Variants in BRCA2 observed in about 807,000 individuals in gnomAD.
The protein encoded by BRCA2 is breast cancer type 2 susceptibility protein.
BRCA2 carries 203 observed loss-of-function variants against 276.7 expected under a neutral mutation model. That is an observed-to-expected ratio of 0.73 (90% confidence interval 0.65 to 0.82). The LOEUF is 0.82. Ranked by LOEUF, BRCA2 falls within the 40% of genes least tolerant of loss-of-function variation. The pLI is 0.00. For missense variants in BRCA2, 3,920 were observed against 3,915.0 expected (o/e 1.00, Z -0.03); for synonymous variants, 1,289 against 1,338.4 (o/e 0.96, Z 0.81).
intron 9 of BRCA2, 133 bp from the exon 10 acceptor site, chr13:32,332,139 A>G: frequency 1.1e-6 from 1 of 898,240 alleles, no homozygotes. Context: ...AGTACTCAGA[A>G]TAACCCTTTA....
chr13:32,370,432 T>G lies in BRCA2; in HGVS notation c.8362T>G (p.Trp2788Gly), dbSNP rs80359079. ...TGCTAACAGTACTCGGCCTGCTCGC[T>G]GGTATACCAAACTTGGATTCTTTCC... ...ISANSTRPAR[W>G]YTKLGFFPDP... Residue 2788 changes from tryptophan to glycine, a missense_variant, in exon 19 of 27, where the codon TGG (tryptophan) becomes GGG (glycine). Physicochemically the swap from Trp to Gly is radical, Grantham distance 184. Coordinates refer to ENST00000380152, the MANE Select transcript of BRCA2 (RefSeq NM_000059.4). The G allele has an allele frequency of 6.2e-7, 1 of 1,614,012 alleles. No homozygotes were observed. The highest frequency in any genetic ancestry group is 1.7e-5 in the Admixed American group (1 of 60,018).
At chr13:32,388,790 T>A (rs2072978916) in intron 24 of BRCA2, among the ~76,000 whole-genome samples, 1 of 152,182 alleles carries the variant, frequency 6.6e-6, no homozygotes, top group Non-Finnish European at 1.5e-5. Flanking sequence ...TCTACCTTTG[T>A]CGAATTTAAA....
At chr13:32,328,402 T>A (rs777770204) in intron 7 of BRCA2, among the ~76,000 whole-genome samples, 4 of 152,036 alleles carry the variant, frequency 2.6e-5, no homozygotes, top group Non-Finnish European at 4.4e-5. Flanking sequence ...CCACCACGCC[T>A]GACTAATTTT....
intron 11 of BRCA2, among the ~76,000 whole-genome samples, chr13:32,342,438 T>G (rs931387865): frequency 6.6e-6 from 1 of 152,242 alleles, no homozygotes; most frequent in Non-Finnish European, 1.5e-5. Context: ...TTATGTGGAC[T>G]ATTTTAACTT....
rs144549870 is a variant in BRCA2 at position 32,333,478 on chromosome 13, ATATCT to A, written c.1909+95_1909+99del. The A allele has an allele frequency of 2.7e-3, 3,681 of 1,354,098 alleles. 67 individuals are homozygous for A. The African/African-American group carries it at 0.046, about 17-fold the overall frequency. 83.9% of individuals were successfully genotyped at this position (1,354,098 alleles called of 1,614,324 possible). A position where few individuals can be genotyped will look rare whatever the true frequency, so the allele number is the denominator to read the frequency against. On this transcript the variant is annotated intron_variant, in intron 10 of 26. Coordinates refer to ENST00000380152, the MANE Select transcript of BRCA2 (RefSeq NM_000059.4). ...TTTTTTTCTGCTTTTTAAAATCTTC[ATATCT>A]TATATTTAATCTTAGGCATCATCTG...
chr13:32,373,853 G>A (rs748939062), intron 20 of BRCA2, among the ~76,000 whole-genome samples: 1 of 152,188 alleles, frequency 6.6e-6, no homozygotes, highest in East Asian at 1.9e-4. Context: ...TTTCCCTCCC[G>A]GTTTCCCTCC....
chr13:32,399,011 A>C lies in BRCA2; in HGVS notation c.*241A>C. 1 of 469,456 alleles carries C rather than the reference A, an allele frequency of 2.1e-6. No homozygotes were observed. The allele number at this position is 469,456 out of a possible 1,614,324, so 29.1% of individuals were successfully genotyped here. A position where few individuals can be genotyped will look rare whatever the true frequency, so the allele number is the denominator to read the frequency against. On this transcript the variant is annotated 3_prime_UTR_variant, in exon 27 of 27. Coordinates refer to ENST00000380152, the MANE Select transcript of BRCA2 (RefSeq NM_000059.4). ...GTAATTTATTAACTAATCAAGAAAA[A>C]CATCTTTGGCTGAGCTCGGTGGCTC...
rs11571796 is a variant in BRCA2 at position 32,388,406 on chromosome 13, A to G, written c.9257-6283A>G. Among the ~76,000 whole-genome samples, 1,011 of 152,318 alleles carry G rather than the reference A, an allele frequency of 6.6e-3. 10 individuals are homozygous for G. The highest frequency in any genetic ancestry group is 0.023 in the African/African-American group (969 of 41,562). ...AGTGCTGGGATTATAGGCTTGAGCC[A>G]CTATGCCCAGCGTGTCTTAGGATTT... On this transcript the variant is annotated intron_variant, in intron 24 of 26. Coordinates refer to ENST00000380152, the MANE Select transcript of BRCA2 (RefSeq NM_000059.4).
intron 24 of BRCA2, chr13:32,384,877 G>A: frequency 3.4e-6 from 1 of 297,358 alleles, no homozygotes; most frequent in Non-Finnish European, 7.0e-6. Context: ...ATGAGGAAGT[G>A]CTGGAGAACT....
chr13:32,359,126 G>A (rs994127515), intron 16 of BRCA2, among the ~76,000 whole-genome samples: 3 of 150,356 alleles, frequency 2.0e-5, no homozygotes, highest in African/African-American at 4.9e-5. Context: ...GGAGGCCGAG[G>A]CAGGAAAATC....
chr13:32,400,078 G>C lies in BRCA2; in HGVS notation c.*1308G>C, dbSNP rs2073072114. 6.6e-6 allele frequency: 1 copy of C among 152,160 alleles called. No homozygotes were observed. Among genetic ancestry groups the C allele is most frequent in the African/African-American group, 2.4e-5 (1 of 41,432 alleles). The allele number at this position is 152,160 out of a possible 1,614,324, so 9.4% of individuals were successfully genotyped here. The stretch of plus-strand genomic sequence containing the variant: ...TGGGATTATAGGCGTGAGCCACTGT[G>C]CCCGGCCAATATTTGTTACTTTCTT... On this transcript the variant is annotated 3_prime_UTR_variant, in exon 27 of 27. Transcript: ENST00000380152.
chr13:32,341,023 T>C lies in BRCA2; in HGVS notation c.6668T>C (p.Phe2223Ser), dbSNP rs2137529615. The C allele has an allele frequency of 6.2e-7, 1 of 1,613,570 alleles. No homozygotes were observed. The highest frequency in any genetic ancestry group is 8.5e-7 in the Non-Finnish European group (1 of 1,179,862). ...STYSKDSENY[F>S]ETEAVEIAKA... is the part of the protein sequence containing the mutation. ...TACTCCAAAGATTCAGAAAACTACT[T>C]TGAAACAGAAGCAGTAGAAATTGCT... The change falls in exon 11 of 27, where the codon TTT (phenylalanine) becomes TCT (serine). Residue 2223 changes from phenylalanine (F) to serine (S), a missense_variant. Transcript: ENST00000380152.
Position 32,369,919 on chromosome 13 carries a change from G to T in BRCA2, c.8332-483G>T, listed in dbSNP as rs9634672. 0.22 allele frequency among the ~76,000 whole-genome samples: 33,007 copies of T among 152,134 alleles called. 3,698 individuals carry two copies. The highest frequency in any genetic ancestry group is 0.39 in the East Asian group (2,039 of 5,180). On this transcript the variant is annotated intron_variant, in intron 18 of 26. Coordinates refer to ENST00000380152, the MANE Select transcript of BRCA2 (RefSeq NM_000059.4). ...CATAAAGCGCTTAACACCATGCCAG[G>T]TACCTTAGTAAGTGTTCGATGAATA...
intron 15 of BRCA2, among the ~76,000 whole-genome samples, chr13:32,356,854 T>G (rs1273536394): frequency 1.3e-5 from 2 of 152,224 alleles, no homozygotes; most frequent in Non-Finnish European, 2.9e-5. Context: ...CAAATCTTTC[T>G]TATTTTGTCA....
rs398122557 is a variant in BRCA2 at position 32,340,798 on chromosome 13, CT to C, written c.6444del (p.Ile2149LeufsTer19). 1.3e-6 allele frequency: 2 copies of C among 1,592,700 alleles called. No individual in the cohort carries two copies. The highest frequency in any genetic ancestry group is 1.7e-6 in the Non-Finnish European group (2 of 1,173,336). On this transcript the variant is annotated frameshift_variant, in exon 11 of 27. Transcript: ENST00000380152. LOFTEE classifies it high-confidence loss of function. ...GGTGGTTCTTCAGAAAATAATCACT[CT>C]ATTAAAGTTTCTCCATATCTCTCTC... ...VEGGSSENNH[S>X]IKVSPYLSQF... is the part of the protein sequence containing the mutation.
chr13:32,376,844 A>C lies in BRCA2; in HGVS notation c.8754+53A>C. The C allele has an allele frequency of 1.9e-6, 3 of 1,604,942 alleles. No homozygotes were observed. In the East Asian group the frequency reaches 6.7e-5, roughly 36 times the overall value. On this transcript the variant is annotated intron_variant, in intron 21 of 26. Transcript: ENST00000380152. The stretch of plus-strand genomic sequence containing the variant: ...GGCTTGATGATTATTCAAGGTGAGA[A>C]GCTGTTTTAGACTCTCTGGCCATCA...
Position 32,339,571 on chromosome 13 carries a change from ATTTAAG to A in BRCA2, c.5218_5223del (p.Leu1740_Ser1741del), listed in dbSNP as rs397507775. 6.2e-6 allele frequency: 10 copies of A among 1,609,336 alleles called. No individual in the cohort carries two copies. The East Asian group carries it at 1.1e-4, about 18-fold the overall frequency. On this transcript the variant is annotated inframe_deletion, in exon 11 of 27. Coordinates refer to ENST00000380152, the MANE Select transcript of BRCA2 (RefSeq NM_000059.4). ...CATCTCTCCGAAAAACAAGATACTT[ATTTAAG>A]TAACAGTAGCATGTCTAACAGCTAT...
At chr13:32,387,059 T>C (rs2072965668) in intron 24 of BRCA2, among the ~76,000 whole-genome samples, 1 of 152,134 alleles carries the variant, frequency 6.6e-6, no homozygotes, top group Admixed American at 6.5e-5. Flanking sequence ...TTTGCTTCAT[T>C]GTAAGGTGGT....
chr13:32,316,473 T>C lies in BRCA2; in HGVS notation c.13T>C (p.Ser5Pro), dbSNP rs1478936460. 1.2e-6 allele frequency: 2 copies of C among 1,613,874 alleles called. No individual in the cohort carries two copies. Among genetic ancestry groups the C allele is most frequent in the African/African-American group, 2.7e-5 (2 of 74,894 alleles). ...ATCGTAGGTAAAAATGCCTATTGGA[T>C]CCAAAGAGAGGCCAACATTTTTTGA... MPIG[S>P]KERPTFFEIF... is the part of the protein sequence containing the mutation. Residue 5 changes from serine to proline, a missense_variant, in exon 2 of 27, where the codon TCC (serine) becomes CCC (proline). Transcript: ENST00000380152.
Sources: gnomAD v4.1 joint callset for allele counts (sites outside exome capture counted in the v4.1 genomes callset) on GRCh38, gnomAD v4.1.1 for gene constraint, MANE v1.5 for transcripts, NCBI Gene and HGNC (gene_info 2026-07-23, HGNC 2026-07-21) for gene names.